Variants in ADAM19 observed in about 807,000 individuals in gnomAD.
ADAM19 encodes the protein ADAM metallopeptidase domain 19, also known as disintegrin and metalloproteinase domain-containing protein 19.
Under a neutral mutation model 114.7 loss-of-function variants are expected in ADAM19, and 65 were observed. That is an observed-to-expected ratio of 0.57 (90% confidence interval 0.46 to 0.70). The LOEUF is 0.70. Ranked by LOEUF, ADAM19 falls within the 30% of genes least tolerant of loss-of-function variation. The pLI is 0.00. For missense variants in ADAM19, 1,063 were observed against 1,204.7 expected (o/e 0.88, Z 1.74); for synonymous variants, 466 against 460.5 (o/e 1.01, Z -0.15).
At chr5:157,550,068 G>C (rs1581347330) in intron 3 of ADAM19, among the ~76,000 whole-genome samples, 1 of 152,336 alleles carries the variant, frequency 6.6e-6, no homozygotes, top group East Asian at 1.9e-4. Context: ...CAGATTGCCA[G>C]CTTCATAGGA....
chr5:157,490,080 T>C (rs1755097109), intron 19 of ADAM19, among the ~76,000 whole-genome samples: 1 of 152,214 alleles, frequency 6.6e-6, no homozygotes, highest in South Asian at 2.1e-4. Context: ...TGGTTGGGGA[T>C]ATTCTGCTGA....
At chr5:157,572,784 C>A (rs1215832541) in intron 1 of ADAM19, among the ~76,000 whole-genome samples, 3 of 152,188 alleles carry the variant, frequency 2.0e-5, no homozygotes, top group Non-Finnish European at 4.4e-5. Flanking sequence ...AACGGTGGCT[C>A]ACAACCTGTA....
intron 4 of ADAM19, 115 bp from the exon 5 acceptor site, chr5:157,530,998 T>C (rs555711498): frequency 1.3e-6 from 1 of 799,350 alleles, no homozygotes; most frequent in East Asian, 2.6e-5. Context: ...CCCAACCTTA[T>C]AGCACCTTAC....
intron 8 of ADAM19, among the ~76,000 whole-genome samples, chr5:157,511,027 C>T (rs1206550528): frequency 6.6e-6 from 1 of 152,172 alleles, no homozygotes; most frequent in South Asian, 2.1e-4. Context: ...AGATCTGACT[C>T]GACCTCCTCG....
At chr5:157,544,099 A>T (rs1037424757) in intron 3 of ADAM19, among the ~76,000 whole-genome samples, 10 of 152,214 alleles carry the variant, frequency 6.6e-5, no homozygotes, top group Admixed American at 6.5e-5. Flanking sequence ...AAGCAGACAC[A>T]TTCCTTTATG....
chr5:157,531,463 T>C (rs1403173847), intron 4 of ADAM19, among the ~76,000 whole-genome samples: 2 of 152,072 alleles, frequency 1.3e-5, no homozygotes, highest in Non-Finnish European at 2.9e-5. Context: ...GGTCAGGAGT[T>C]CCAGACCGCC....
At chr5:157,507,183 G>A in intron 9 of ADAM19, 43 bp from the exon 10 acceptor site, 1 of 1,590,442 alleles carries the variant, frequency 6.3e-7, no homozygotes, top group South Asian at 1.1e-5. Context: ...ACGAGACTAA[G>A]AGGGCTGTTC....
chr5:157,504,558 T>A (rs1467826881), intron 11 of ADAM19, among the ~76,000 whole-genome samples: 1 of 151,496 alleles, frequency 6.6e-6, no homozygotes, highest in African/African-American at 2.4e-5. Context: ...GCCAACATCA[T>A]CCTTTCCATG....
intron 14 of ADAM19, among the ~76,000 whole-genome samples, chr5:157,496,439 T>C (rs1157071855): frequency 2.0e-5 from 3 of 152,206 alleles, no homozygotes; most frequent in Non-Finnish European, 2.9e-5. Flanking sequence ...ATAGTGGTTA[T>C]ATCTACCTGT....
chr5:157,539,102 G>A (rs556093909), intron 3 of ADAM19, among the ~76,000 whole-genome samples: 8 of 149,936 alleles, frequency 5.3e-5, no homozygotes, highest in Non-Finnish European at 1.0e-4. Context: ...GCAGCGAGCC[G>A]AGATCACGTC....
intron 13 of ADAM19, among the ~76,000 whole-genome samples, chr5:157,497,459 C>T (rs1487870685): frequency 6.6e-6 from 1 of 152,118 alleles, no homozygotes; most frequent in Non-Finnish European, 1.5e-5. Context: ...TCATGACAGT[C>T]CTGTGTGATA....
At chr5:157,551,920 T>C (rs1177426143) in intron 3 of ADAM19, among the ~76,000 whole-genome samples, 2 of 151,884 alleles carry the variant, frequency 1.3e-5, no homozygotes, top group Non-Finnish European at 2.9e-5. Context: ...TTGGGATGGA[T>C]CACTTGAGAC....
intron 4 of ADAM19, among the ~76,000 whole-genome samples, chr5:157,531,264 C>T (rs563113888): frequency 3.0e-3 from 458 of 152,314 alleles, no homozygotes; most frequent in Admixed American, 8.2e-3. Context: ...CCAATGTTAT[C>T]TTTGCAACCC....
At chr5:157,530,428 A>G (rs5023028) in intron 5 of ADAM19, among the ~76,000 whole-genome samples, 69,281 of 151,612 alleles carry the variant, frequency 0.46, 16,431 homozygotes, top group African/African-American at 0.58. Context: ...ATTTCTCCAG[A>G]CTCCCTCTGC....
At position 157,480,299 on chromosome 5, in the gene ADAM19, T is replaced by C; in HGVS notation, c.*650A>G. On this transcript the variant is annotated 3_prime_UTR_variant, in exon 23 of 23. Coordinates refer to ENST00000257527, the MANE Select transcript of ADAM19 (RefSeq NM_033274.5). ...TCCTGCTGTCTACACTGCCTACGAATAGTACCTGTCTGAGTCAGAGTGACC... is the reference window on the plus strand; with the variant it reads ...TCCTGCTGTCTACACTGCCTACGAACAGTACCTGTCTGAGTCAGAGTGACC... 2.6e-5 allele frequency: 26 copies of C among 985,988 alleles called. No homozygotes were observed. Among genetic ancestry groups the C allele is most frequent in the Non-Finnish European group, 2.8e-5 (23 of 830,196 alleles). The allele number at this position is 985,988 out of a possible 1,614,324, so 61.1% of individuals were successfully genotyped here.
rs879854870 is a variant in ADAM19, at chr5:157,533,917, G to A, written c.331-3034C>T. Among the ~76,000 whole-genome samples, 12 of 152,066 alleles carry A rather than the reference G, an allele frequency of 7.9e-5. 1 individual carries two copies. The highest frequency in any genetic ancestry group is 6.5e-4 in the Admixed American group (10 of 15,272). ...CAGGAGGCGGAGGTTGCAGTGAGCC[G>A]AGATGGCACCACTGCACTCCAGCCT... On this transcript the variant is annotated intron_variant, in intron 4 of 22. Coordinates refer to ENST00000257527, the MANE Select transcript of ADAM19 (RefSeq NM_033274.5).
intron 3 of ADAM19, among the ~76,000 whole-genome samples, chr5:157,543,854 T>C (rs1756980786): frequency 6.6e-6 from 1 of 152,184 alleles, no homozygotes; most frequent in Non-Finnish European, 1.5e-5. Flanking sequence ...AGTGCTATTC[T>C]AATGTCATGG....
At chr5:157,485,114 C>T (rs1235833231) in intron 21 of ADAM19, among the ~76,000 whole-genome samples, 1 of 152,234 alleles carries the variant, frequency 6.6e-6, no homozygotes. Context: ...CATCCCCTGC[C>T]AAGCAATGGA....
At position 157,477,322 on chromosome 5, in the gene ADAM19, A is replaced by G; in HGVS notation, c.*3627T>C. The G allele has an allele frequency of 1.0e-6, 1 of 1,000,480 alleles. No individual in the cohort carries two copies. Among genetic ancestry groups the G allele is most frequent in the Non-Finnish European group, 1.2e-6 (1 of 838,078 alleles). The allele number at this position is 1,000,480 out of a possible 1,614,324, so 62.0% of individuals were successfully genotyped here. ...AACCAGATAACATTGCAAATGACAA[A>G]CAATTCATTTTTAATTAAATACTAA... On this transcript the variant is annotated 3_prime_UTR_variant, in exon 23 of 23. Transcript: ENST00000257527.
Sources: gnomAD v4.1 joint callset for allele counts (sites outside exome capture counted in the v4.1 genomes callset) on GRCh38, gnomAD v4.1.1 for gene constraint, MANE v1.5 for transcripts, NCBI Gene and HGNC (gene_info 2026-07-23, HGNC 2026-07-21) for gene names.